PRKN: variants seen among roughly 807,000 people sequenced by gnomAD.
PRKN encodes the protein E3 ubiquitin-protein ligase parkin.
PRKN carries 56 observed loss-of-function variants against 59.5 expected under a neutral mutation model. The observed-to-expected ratio is 0.94, with a 90% CI of 0.76 to 1.18. The LOEUF (loss-of-function observed/expected upper bound fraction) is 1.18, where lower values mean the gene tolerates loss of function less well. Ranked by LOEUF, PRKN falls within the 50% of genes most tolerant of loss-of-function variation. The pLI is 0.00. For missense variants in PRKN, 657 were observed against 596.4 expected, an observed-to-expected ratio of 1.10 and a Z score of -1.06; for synonymous variants, 250 against 222.1, an observed-to-expected ratio of 1.13 and a Z score of -1.12.
chr6:162,002,105 G>T (rs1782082317), intron 5 of PRKN, among the ~76,000 whole-genome samples: 2 of 151,806 alleles, frequency 1.3e-5, no homozygotes, highest in African/African-American at 4.8e-5. Context: ...GCAAGATCTT[G>T]GTCTGTAGTT....
intron 6 of PRKN, among the ~76,000 whole-genome samples, chr6:161,870,836 TATGAAGAATGTTTTTAGAGGTA>T (rs1234977645): frequency 2.6e-5 from 4 of 152,164 alleles, no homozygotes; most frequent in Non-Finnish European, 5.9e-5. Context: ...GTCTCCTTGT[TATGAAGAATGTTTTTAGAGGTA>T]ACTAGAGAAC....
chr6:162,369,024 G>A (rs1562707158), intron 2 of PRKN, among the ~76,000 whole-genome samples: 1 of 152,080 alleles, frequency 6.6e-6, no homozygotes, highest in Non-Finnish European at 1.5e-5. Context: ...TCCATATTTT[G>A]GTGAGATTTT....
rs551830406 is a variant in PRKN, at chr6:162,341,631, A to G, written c.172-78866T>C. On this transcript the variant is annotated intron_variant, in intron 2 of 11. Coordinates refer to ENST00000366898, the MANE Select transcript of PRKN (RefSeq NM_004562.3). ...AGGGACATGGATGAAGGTGGAAACCATCATTCTCAGCAAACTAACACAGGC... is the reference window on the plus strand; with the variant it reads ...AGGGACATGGATGAAGGTGGAAACCGTCATTCTCAGCAAACTAACACAGGC... Among the ~76,000 whole-genome samples, 14 of 152,276 alleles carry G rather than the reference A, an allele frequency of 9.2e-5. No homozygotes were observed. In the South Asian group the frequency reaches 2.3e-3, roughly 25 times the overall value.
chr6:161,660,369 T>C (rs1784498954), intron 7 of PRKN, among the ~76,000 whole-genome samples: 1 of 152,018 alleles, frequency 6.6e-6, no homozygotes, highest in Non-Finnish European at 1.5e-5. Flanking sequence ...TTAGTACTAA[T>C]AAGGGCCAGG....
At chr6:161,974,798 G>C (rs1372521200) in intron 5 of PRKN, among the ~76,000 whole-genome samples, 1 of 152,120 alleles carries the variant, frequency 6.6e-6, no homozygotes, top group African/African-American at 2.4e-5. Flanking sequence ...ACTTGATCTG[G>C]TATTGACAAA....
chr6:162,315,481 G>A (rs1466037468), intron 2 of PRKN, among the ~76,000 whole-genome samples: 1 of 152,116 alleles, frequency 6.6e-6, no homozygotes, highest in Non-Finnish European at 1.5e-5. Flanking sequence ...AGGATACAAA[G>A]CACTCAGTGA....
chr6:162,664,843 T>C (rs942886460), intron 1 of PRKN, among the ~76,000 whole-genome samples: 1 of 152,194 alleles, frequency 6.6e-6, no homozygotes, highest in Non-Finnish European at 1.5e-5. Context: ...GCCTGTGCAC[T>C]CTGATGATAG....
chr6:162,449,901 G>T (rs1272765047), intron 1 of PRKN, among the ~76,000 whole-genome samples: 22 of 152,190 alleles, frequency 1.4e-4, no homozygotes, highest in African/African-American at 5.1e-4. Flanking sequence ...TAGTTAGGGG[G>T]TCCACATCAG....
chr6:162,429,037 T>C (rs1443697469), intron 2 of PRKN, among the ~76,000 whole-genome samples: 1 of 152,202 alleles, frequency 6.6e-6, no homozygotes, highest in Non-Finnish European at 1.5e-5. Context: ...CAAGCACTTA[T>C]CACTAACTGA....
In PRKN at chr6:162,530,036, G is replaced by T. The variant is rs193025731; in HGVS notation, c.8-86563C>A. ...TCCCAGCTACTCAGGAGGCTGAGGT[G>T]GGAGAATTGCTTGAACCTGGGAGGT... On this transcript the variant is annotated intron_variant, in intron 1 of 11. Coordinates refer to ENST00000366898, the MANE Select transcript of PRKN (RefSeq NM_004562.3). Among the ~76,000 whole-genome samples the T allele has an allele frequency of 3.3e-3, 506 of 151,954 alleles. 3 individuals are homozygous for T. The highest frequency in any genetic ancestry group is 0.012 in the African/African-American group (489 of 41,452).
chr6:161,871,812 A>G (rs1334342180), intron 6 of PRKN, among the ~76,000 whole-genome samples: 1 of 152,146 alleles, frequency 6.6e-6, no homozygotes, highest in Non-Finnish European at 1.5e-5. Context: ...CTGTGTTCAG[A>G]ATACTTAACA....
Position 161,554,171 on chromosome 6 carries a change from A to G in PRKN, c.934-5168T>C, listed in dbSNP as rs1780143736. Among the ~76,000 whole-genome samples, 1 of 152,174 alleles carries G rather than the reference A, an allele frequency of 6.6e-6. No individual in the cohort carries two copies. Among genetic ancestry groups the G allele is most frequent in the Admixed American group, 6.5e-5 (1 of 15,282 alleles). On this transcript the variant is annotated intron_variant, in intron 8 of 11. Coordinates refer to ENST00000366898, the MANE Select transcript of PRKN (RefSeq NM_004562.3). This position sits in a 1 kb window ranked among gnomAD's most constrained non-coding sequence, Gnocchi z 4.5. ...TTCTCAAGAACACAGAAGATGACAT[A>G]ATTACAATATTCCATAATTGCTCAT... is the stretch of plus-strand genomic sequence containing the variant.
At chr6:162,212,086 T>C (rs2023071) in intron 3 of PRKN, among the ~76,000 whole-genome samples, 51,494 of 151,994 alleles carry the variant, frequency 0.34, 10,687 homozygotes, top group Non-Finnish European at 0.46. Context: ...TGTGGGACCA[T>C]GAAAGTCTTT....
intron 6 of PRKN, among the ~76,000 whole-genome samples, chr6:161,869,826 G>T (rs1794273093): frequency 6.6e-6 from 1 of 152,128 alleles, no homozygotes; most frequent in Non-Finnish European, 1.5e-5. Flanking sequence ...ACCCAAAATT[G>T]TCTATGAAAG....
intron 2 of PRKN, among the ~76,000 whole-genome samples, chr6:162,419,566 T>C (rs902318310): frequency 2.6e-5 from 4 of 152,100 alleles, no homozygotes; most frequent in African/African-American, 9.7e-5. Flanking sequence ...ACCCAGGAAG[T>C]TGGTTCTGCA....
intron 1 of PRKN, among the ~76,000 whole-genome samples, chr6:162,474,868 A>G (rs4709624): frequency 0.31 from 47,205 of 151,864 alleles, 7,589 homozygotes; most frequent in East Asian, 0.49. Context: ...TGATACCAGA[A>G]GTCCGATGTA....
chr6:162,163,557 A>G (rs1782851106), intron 4 of PRKN, among the ~76,000 whole-genome samples: 1 of 149,484 alleles, frequency 6.7e-6, no homozygotes. Context: ...ATGAGTGATG[A>G]AAAAGAAGCA....
intron 5 of PRKN, among the ~76,000 whole-genome samples, chr6:162,042,865 G>T (rs994537638): frequency 3.3e-5 from 5 of 152,148 alleles, no homozygotes; most frequent in African/African-American, 1.2e-4. Context: ...TGGAGAAATG[G>T]TTCTTTGATT....
intron 7 of PRKN, among the ~76,000 whole-genome samples, chr6:161,685,842 A>G (rs1785530806): frequency 6.6e-6 from 1 of 152,110 alleles, no homozygotes; most frequent in African/African-American, 2.4e-5. Flanking sequence ...TAAAATACAT[A>G]TATTACTTCT....
Sources: gnomAD v4.1 joint callset for allele counts (sites outside exome capture counted in the v4.1 genomes callset) on GRCh38, gnomAD v4.1.1 for gene constraint, Gnocchi (gnomAD v3.1) non-coding constraint, MANE v1.5 for transcripts, NCBI Gene and HGNC (gene_info 2026-07-23, HGNC 2026-07-21) for gene names.